The following KDM5B variants were observed in gnomAD, a reference collection of about 807,000 sequenced individuals.
KDM5B encodes lysine demethylase 5B.
Under a neutral mutation model 193.4 loss-of-function variants are expected in KDM5B, and 144 were observed. The ratio of observed to expected loss-of-function variants is 0.74; its 90% confidence interval spans 0.65 to 0.86. KDM5B has a LOEUF of 0.86. Among genes scored for constraint, KDM5B ranks in the 40% least tolerant of loss-of-function variants. The pLI, the probability that KDM5B is intolerant of heterozygous loss-of-function variation, is 0.00. For missense variants in KDM5B, 1,833 were observed against 1,886.9 expected, an observed-to-expected ratio of 0.97 and a Z score of 0.53; for synonymous variants, 668 against 682.6, an observed-to-expected ratio of 0.98 and a Z score of 0.33.
chr1:202,804,647 C>T (rs574427590), intron 1 of KDM5B, among the ~76,000 whole-genome samples: 2 of 152,222 alleles, frequency 1.3e-5, no homozygotes, highest in African/African-American at 2.4e-5. Context: ...GAAGTTAAAG[C>T]TGAAAAATTT....
At chr1:202,775,408 G>T (rs1015746208) in intron 2 of KDM5B, among the ~76,000 whole-genome samples, 2 of 151,056 alleles carry the variant, frequency 1.3e-5, no homozygotes, top group Non-Finnish European at 2.9e-5. Context: ...GTAGTGGCAG[G>T]GGCCTGTAAT....
chr1:202,807,988 A>T, intron 1 of KDM5B, 114 bp downstream of exon 1: 1 of 1,086,938 alleles, frequency 9.2e-7, no homozygotes, highest in Non-Finnish European at 1.3e-6. Flanking sequence ...AAACTTGACG[A>T]GGCCGGCGGG....
chr1:202,785,827 T>C (rs1027476367), intron 1 of KDM5B, among the ~76,000 whole-genome samples: 14 of 151,530 alleles, frequency 9.2e-5, no homozygotes, highest in African/African-American at 2.9e-4. Flanking sequence ...GAGAATTGCT[T>C]GAACCCAGGA....
At position 202,756,521 on chromosome 1, in the gene KDM5B, A is replaced by G. The variant is rs759490458; in HGVS notation, c.1198-5T>C. 1.9e-6 allele frequency: 3 copies of G among 1,571,470 alleles called. No individual in the cohort carries two copies. The highest frequency in any genetic ancestry group is 2.7e-5 in the African/African-American group (2 of 73,296). On this transcript the variant is annotated splice_polypyrimidine_tract_variant and splice_region_variant and intron_variant, in intron 9 of 26. Coordinates refer to ENST00000367265, the MANE Select transcript of KDM5B (RefSeq NM_006618.5). Reference sequence around the variant, plus strand: ...AACAAGCTCTGTGGGGACCATCTGGAAATACAAGGAATAGAAAAAATGAGT... The same window carrying G: ...AACAAGCTCTGTGGGGACCATCTGGGAATACAAGGAATAGAAAAAATGAGT...
At chr1:202,766,739 G>A (rs1000008229) in intron 5 of KDM5B, among the ~76,000 whole-genome samples, 187 bp downstream of exon 5, 2 of 152,102 alleles carry the variant, frequency 1.3e-5, no homozygotes, top group Admixed American at 1.3e-4. Flanking sequence ...AGACTTATTC[G>A]ATTCCTTACC....
intron 9 of KDM5B, 57 bp from the exon 10 acceptor site, chr1:202,756,573 T>G: frequency 7.4e-7 from 1 of 1,356,600 alleles, no homozygotes; most frequent in Non-Finnish European, 1.0e-6. Flanking sequence ...TGTGACCAAT[T>G]AAGCTCAGTG....
In KDM5B at chr1:202,764,078, ATT is replaced by A; in HGVS notation, c.777_778del (p.Met260GlyfsTer8). On this transcript the variant is annotated frameshift_variant, in exon 6 of 27. Coordinates refer to ENST00000367265, the MANE Select transcript of KDM5B (RefSeq NM_006618.5). LOFTEE classifies it high-confidence loss of function. ...TTCACATTTTGGAGTTGGACAACCCATTCGACGTCTCAGATTATGAGTTCTGG... is the reference window on the plus strand; with the variant it reads ...TTCACATTTTGGAGTTGGACAACCCACGACGTCTCAGATTATGAGTTCTGG... 1 of 1,580,968 alleles carries A rather than the reference ATT, an allele frequency of 6.3e-7. No homozygotes were observed. Among genetic ancestry groups the A allele is most frequent in the Non-Finnish European group, 8.6e-7 (1 of 1,164,948 alleles).
At chr1:202,763,240 G>T (rs1466607551) in intron 6 of KDM5B, among the ~76,000 whole-genome samples, 2 of 152,102 alleles carry the variant, frequency 1.3e-5, no homozygotes, top group Non-Finnish European at 2.9e-5. Context: ...CAAATTCCTG[G>T]TTCTGAAGAC....
intron 14 of KDM5B, among the ~76,000 whole-genome samples, chr1:202,748,642 G>T (rs187106761): frequency 6.6e-6 from 1 of 152,308 alleles, no homozygotes; most frequent in East Asian, 1.9e-4. Context: ...GTTGAGTTGG[G>T]TGGATAGCTT....
chr1:202,771,872 G>A (rs569490327), intron 4 of KDM5B, among the ~76,000 whole-genome samples: 2 of 152,216 alleles, frequency 1.3e-5, no homozygotes, highest in Non-Finnish European at 2.9e-5. Context: ...GAGCCATCGC[G>A]CCCGGCTCAC....
At position 202,749,111 on chromosome 1, in the gene KDM5B, T is replaced by C; in HGVS notation, c.1850A>G (p.His617Arg). The C allele has an allele frequency of 6.2e-7, 1 of 1,613,244 alleles. No homozygotes were observed. Among genetic ancestry groups the C allele is most frequent in the Non-Finnish European group, 8.5e-7 (1 of 1,179,778 alleles). Residue 617 changes from histidine to arginine, a missense_variant, in exon 14 of 27, where the codon CAT becomes CGT. Physicochemically the swap from His to Arg is conservative, Grantham distance 29 (BLOSUM62 0). Transcript: ENST00000367265. ...ACAATATCGATGAAGCAAGCGATAA[T>C]GCTCCACACACTGTCGGCCTAATGG... ...WLPLGRQCVE[H>R]YRLLHRYCVF... is the part of the protein sequence containing the mutation.
At chr1:202,788,054 C>T (rs747331800) in intron 1 of KDM5B, among the ~76,000 whole-genome samples, 19 of 152,192 alleles carry the variant, frequency 1.2e-4, no homozygotes, top group Non-Finnish European at 2.8e-4. Context: ...CTGCAGAACA[C>T]CCCATACAAT....
At position 202,741,607 on chromosome 1, in the gene KDM5B, ACAT is replaced by A; in HGVS notation, c.2702_2704del (p.Asp901del). On this transcript the variant is annotated inframe_deletion, in exon 19 of 27. Coordinates refer to ENST00000367265, the MANE Select transcript of KDM5B (RefSeq NM_006618.5). ...CATCTCAGCAAGCTGTGGAAGTTCA[ACAT>A]CAAATTCAAAGCTGACATCTAGCAA... 3.1e-6 allele frequency: 5 copies of A among 1,614,242 alleles called. No homozygotes were observed. The highest frequency in any genetic ancestry group is 3.4e-6 in the Non-Finnish European group (4 of 1,180,038).
chr1:202,807,960 G>A, intron 1 of KDM5B, 142 bp downstream of exon 1: 1 of 784,418 alleles, frequency 1.3e-6, no homozygotes. Context: ...CCTCAACTCC[G>A]ACCTTCTAGG....
chr1:202,785,301 GGT>G (rs1657362784), intron 1 of KDM5B, among the ~76,000 whole-genome samples: 1 of 152,100 alleles, frequency 6.6e-6, no homozygotes, highest in Non-Finnish European at 1.5e-5. Flanking sequence ...CTTTAACACA[GGT>G]TAAAGGCCTC....
At chr1:202,758,333 T>A in intron 9 of KDM5B, 58 bp downstream of exon 9, 1 of 1,476,942 alleles carries the variant, frequency 6.8e-7, no homozygotes, top group South Asian at 1.4e-5. Flanking sequence ...GGTCTTCAGG[T>A]ACACTTTTCT....
At position 202,773,163 on chromosome 1, in the gene KDM5B, TC is replaced by T; in HGVS notation, c.530del (p.Arg177GlnfsTer15). The T allele has an allele frequency of 6.2e-7, 1 of 1,613,832 alleles. No homozygotes were observed. The highest frequency in any genetic ancestry group is 8.5e-7 in the Non-Finnish European group (1 of 1,179,708). ...GGAATAAGTTGTAGGGGTTGAGAAT[TC>T]GTTCATAATGCCCTCTGATATGTGA... ...VGSHIRGHYE[R>X]ILNPYNLFLS... is the part of the protein sequence containing the mutation. On this transcript the variant is annotated frameshift_variant, in exon 4 of 27. Transcript: ENST00000367265. LOFTEE classifies it high-confidence loss of function.
chr1:202,801,506 A>G (rs1232635600), intron 1 of KDM5B, among the ~76,000 whole-genome samples: 1 of 152,230 alleles, frequency 6.6e-6, no homozygotes, highest in African/African-American at 2.4e-5. Flanking sequence ...TTTCTTCATT[A>G]ATCTGGTTCA....
chr1:202,767,212 G>C, intron 4 of KDM5B, 152 bp from the exon 5 acceptor site: 1 of 1,563,980 alleles, frequency 6.4e-7, no homozygotes, highest in Non-Finnish European at 8.8e-7. Flanking sequence ...CTGTTAAATG[G>C]AGGAACTGAA....
Sources: allele counts gnomAD v4.1 joint callset (sites outside exome capture counted in the v4.1 genomes callset), GRCh38; gene constraint gnomAD v4.1.1; transcripts MANE v1.5; gene names NCBI Gene and HGNC (gene_info 2026-07-23, HGNC 2026-07-21).